Variants in CSMD1 observed in about 807,000 individuals in gnomAD.
The protein encoded by CSMD1 is CUB and sushi domain-containing protein 1.
A neutral mutation model predicts 417.5 loss-of-function variants in CSMD1; 213 were observed. The ratio of observed to expected loss-of-function variants is 0.51; its 90% CI spans 0.46 to 0.57. CSMD1 has a LOEUF of 0.57. CSMD1 is among the 20% of genes least tolerant of loss of function. The probability of loss-of-function intolerance (pLI) is 0.00; values close to 1 mark genes in which losing one functional copy is unlikely to be tolerated. For synonymous variants in CSMD1, 2,862 were observed against 1,736.8 expected (o/e 1.65, Z -16.11); for missense variants, 6,923 against 4,529.7 (o/e 1.53, Z -15.17).
At chr8:3,764,910 T>C (rs1221914035) in intron 5 of CSMD1, among the ~76,000 whole-genome samples, 1 of 151,750 alleles carries the variant, frequency 6.6e-6, no homozygotes, top group Non-Finnish European at 1.5e-5. Context: ...CACACCCAGC[T>C]CATTTTCGTA....
At chr8:3,981,607 A>T (rs150736586) in intron 5 of CSMD1, among the ~76,000 whole-genome samples, 89 of 151,458 alleles carry the variant, frequency 5.9e-4, no homozygotes, top group African/African-American at 2.1e-3. Context: ...AATTGTATCA[A>T]TTAGAGCAGT....
chr8:3,437,686 G>T (rs1156515330), intron 12 of CSMD1, among the ~76,000 whole-genome samples: 1 of 151,982 alleles, frequency 6.6e-6, no homozygotes, highest in African/African-American at 2.4e-5. Flanking sequence ...TCTAATCACA[G>T]TCAAAAGGAA....
At chr8:4,245,680 T>C (rs1403057049) in intron 3 of CSMD1, among the ~76,000 whole-genome samples, 1 of 152,134 alleles carries the variant, frequency 6.6e-6, no homozygotes, top group Non-Finnish European at 1.5e-5. Context: ...TGAATGACAA[T>C]TTAAATTATC....
chr8:3,143,300 T>C (rs971463521), intron 40 of CSMD1, among the ~76,000 whole-genome samples: 2 of 152,202 alleles, frequency 1.3e-5, no homozygotes, highest in Non-Finnish European at 2.9e-5. Flanking sequence ...TCATTTTCTA[T>C]TGTGTTACGT....
intron 1 of CSMD1, among the ~76,000 whole-genome samples, chr8:4,944,619 G>A (rs1808240018): frequency 6.6e-6 from 1 of 152,160 alleles, no homozygotes. Context: ...AAAAATGTAT[G>A]CGGACTGGCC....
At chr8:4,511,800 G>A (rs930182835) in intron 2 of CSMD1, among the ~76,000 whole-genome samples, 10 of 152,038 alleles carry the variant, frequency 6.6e-5, no homozygotes, top group African/African-American at 2.4e-4. Flanking sequence ...AATCATCAGG[G>A]GTCTACACAT....
chr8:3,989,885 T>G (rs1814614417), intron 5 of CSMD1, among the ~76,000 whole-genome samples: 1 of 152,224 alleles, frequency 6.6e-6, no homozygotes, highest in Non-Finnish European at 1.5e-5. Context: ...CTTATTCTCC[T>G]AACCAGTCCT....
chr8:3,140,744 G>A (rs1308827787), intron 41 of CSMD1, among the ~76,000 whole-genome samples: 1 of 151,814 alleles, frequency 6.6e-6, no homozygotes. Context: ...AAAAAGTTAG[G>A]CTCTAGATTT....
At chr8:3,783,628 G>T (rs1350539619) in intron 5 of CSMD1, among the ~76,000 whole-genome samples, 1 of 152,186 alleles carries the variant, frequency 6.6e-6, no homozygotes, top group Non-Finnish European at 1.5e-5. Flanking sequence ...GGATGCAGCT[G>T]GTTCTTCTGC....
chr8:3,331,219 C>A (rs1320444233), intron 23 of CSMD1, among the ~76,000 whole-genome samples: 1 of 133,722 alleles, frequency 7.5e-6, no homozygotes, highest in East Asian at 2.2e-4. Context: ...GCCTGGCCGA[C>A]AGAACGAGAC....
intron 10 of CSMD1, among the ~76,000 whole-genome samples, chr8:3,503,947 T>C (rs945024020): frequency 7.4e-5 from 11 of 149,542 alleles, no homozygotes; most frequent in African/African-American, 2.7e-4. Context: ...GAGGCGGGGG[T>C]TAGGGCGTGG....
chr8:4,526,962 A>G (rs1230470346), intron 2 of CSMD1, among the ~76,000 whole-genome samples: 1 of 152,142 alleles, frequency 6.6e-6, no homozygotes, highest in East Asian at 1.9e-4. Context: ...TTCTAACCCA[A>G]CTGTAGATAC....
rs989426715 is a variant in CSMD1, at chr8:3,256,271, G to A, written c.4154-26040C>T. ...GAACCTGGGAGGCAGAGGTTTCAGT[G>A]GGCTGATATTGTTTGACAGAGCAAG... On this transcript the variant is annotated intron_variant, in intron 26 of 69. Coordinates refer to ENST00000635120, the MANE Select transcript of CSMD1 (RefSeq NM_033225.6). Among the ~76,000 whole-genome samples the A allele has an allele frequency of 2.1e-5, 3 of 146,146 alleles. No individual in the cohort carries two copies. The South Asian group carries it at 6.6e-4, about 32-fold the overall frequency.
chr8:4,735,420 A>C (rs183485694), intron 1 of CSMD1, among the ~76,000 whole-genome samples: 5 of 152,282 alleles, frequency 3.3e-5, no homozygotes, highest in African/African-American at 1.2e-4. Flanking sequence ...TTTTTTCAGT[A>C]AGGGAGAGGA....
At chr8:4,962,103 A>G (rs1266809424) in intron 1 of CSMD1, among the ~76,000 whole-genome samples, 2 of 80,602 alleles carry the variant, frequency 2.5e-5, no homozygotes, top group Non-Finnish European at 4.6e-5. Flanking sequence ...GTAAGTATGT[A>G]TTTTTTTGTT....
intron 23 of CSMD1, among the ~76,000 whole-genome samples, chr8:3,323,244 G>T (rs993813158): frequency 6.6e-6 from 1 of 152,120 alleles, no homozygotes; most frequent in African/African-American, 2.4e-5. Flanking sequence ...CAAATGACAA[G>T]GGACCTCAAC....
intron 5 of CSMD1, among the ~76,000 whole-genome samples, chr8:3,975,089 A>G (rs1813341781): frequency 6.6e-6 from 1 of 152,178 alleles, no homozygotes; most frequent in Non-Finnish European, 1.5e-5. Flanking sequence ...TCTTAACGTT[A>G]AAAACTAGTT....
chr8:3,117,691 G>T (rs1315441178), intron 42 of CSMD1, among the ~76,000 whole-genome samples: 1 of 152,168 alleles, frequency 6.6e-6, no homozygotes, highest in Non-Finnish European at 1.5e-5. Flanking sequence ...TCACACAGAA[G>T]CATTAAAGTA....
At chr8:4,236,274 C>T (rs112115276) in intron 3 of CSMD1, among the ~76,000 whole-genome samples, 2 of 151,928 alleles carry the variant, frequency 1.3e-5, no homozygotes, top group African/African-American at 4.8e-5. Flanking sequence ...AATTGGCACA[C>T]TGATCGGAAT....
Sources: allele counts gnomAD v4.1 joint callset (sites outside exome capture counted in the v4.1 genomes callset), GRCh38; gene constraint gnomAD v4.1.1; transcripts MANE v1.5; gene names NCBI Gene and HGNC (gene_info 2026-07-23, HGNC 2026-07-21).